The following AOPEP variants were observed in gnomAD, a reference collection of about 807,000 sequenced individuals.
The protein encoded by AOPEP is aminopeptidase O (putative).
AOPEP carries 77 observed loss-of-function variants against 98.1 expected under a neutral mutation model. That is an observed-to-expected ratio of 0.78 (90% confidence interval 0.65 to 0.95). The LOEUF (loss-of-function observed/expected upper bound fraction) is 0.95. AOPEP is among the 40% of genes least tolerant of loss of function. The probability of loss-of-function intolerance (pLI) is 0.00; values close to 1 mark genes in which losing one functional copy is unlikely to be tolerated. For synonymous variants in AOPEP, 346 were observed against 365.3 expected, an observed-to-expected ratio of 0.95 and a Z score of 0.60; for missense variants, 1,024 against 1,024.7, an observed-to-expected ratio of 1.00 and a Z score of 0.01.
intron 11 of AOPEP, among the ~76,000 whole-genome samples, chr9:94,988,730 C>T (rs534240544): frequency 2.0e-5 from 3 of 152,028 alleles, no homozygotes; most frequent in Admixed American, 6.5e-5. Context: ...GAGTTGAAGG[C>T]GCTCAGGGAG....
chr9:95,011,823 C>CA (rs748502218), intron 13 of AOPEP, among the ~76,000 whole-genome samples: 6 of 151,600 alleles, frequency 4.0e-5, no homozygotes, highest in East Asian at 3.9e-4. Flanking sequence ...AAAACAAAAA[C>CA]AAAAAAAATC....
intron 1 of AOPEP, among the ~76,000 whole-genome samples, chr9:94,753,935 G>A (rs1407813136): frequency 6.6e-6 from 1 of 152,162 alleles, no homozygotes; most frequent in Non-Finnish European, 1.5e-5. Flanking sequence ...TGCGTAAGGA[G>A]GCTCATTTCA....
intron 5 of AOPEP, among the ~76,000 whole-genome samples, chr9:94,909,314 G>A (rs2051642909): frequency 7.6e-6 from 1 of 132,142 alleles, no homozygotes. Context: ...TCACACAGAT[G>A]TGTTCAACCC....
downstream of AOPEP, among the ~76,000 whole-genome samples, chr9:95,090,768 A>C (rs750324230): frequency 1.3e-5 from 2 of 152,238 alleles, no homozygotes; most frequent in South Asian, 4.1e-4. Context: ...GGGAGGATAC[A>C]GGAAAGAAAC....
chr9:95,062,194 T>C (rs181297063), intron 14 of AOPEP, among the ~76,000 whole-genome samples: 61 of 152,332 alleles, frequency 4.0e-4, no homozygotes, highest in African/African-American at 1.4e-3. Flanking sequence ...CTGTGGGTGC[T>C]AAGGCCAGTG....
chr9:95,125,223 A>C, the AOPEP span: 2 of 1,543,742 alleles, frequency 1.3e-6, no homozygotes, highest in Non-Finnish European at 1.8e-6. Context: ...ACGTTTAACA[A>C]GTAATCCGGC....
the AOPEP span, chr9:95,149,941 A>ACAGCCT: frequency 1.2e-6 from 2 of 1,607,676 alleles, no homozygotes; most frequent in Non-Finnish European, 1.7e-6. Context: ...GGCCTCGTTT[A>ACAGCCT]CAGCCTCAAA....
intron 10 of AOPEP, among the ~76,000 whole-genome samples, chr9:94,971,589 C>T (rs1478965393): frequency 1.3e-5 from 2 of 152,154 alleles, no homozygotes; most frequent in Admixed American, 6.5e-5. Context: ...CTGTTAGGCA[C>T]GTGAACTGTT....
chr9:95,111,271 G>A, the AOPEP span: 89 of 1,552,654 alleles, frequency 5.7e-5, no homozygotes, highest in Non-Finnish European at 7.2e-5. Flanking sequence ...TGGCCACCTC[G>A]GTGGGGACAG....
chr9:95,142,101 TC>T, the AOPEP span, among the ~76,000 whole-genome samples: 2 of 146,772 alleles, frequency 1.4e-5, no homozygotes, highest in African/African-American at 5.0e-5. Context: ...CAAGCAATTC[TC>T]CTGCCTCAGC....
At chr9:95,004,319 C>T in intron 11 of AOPEP, 2 of 456,262 alleles carry the variant, frequency 4.4e-6, no homozygotes, top group Non-Finnish European at 4.4e-6. Context: ...ATTATGAAAA[C>T]AGATTGACCC....
intron 1 of AOPEP, among the ~76,000 whole-genome samples, chr9:94,744,899 A>C (rs1021403840): frequency 5.3e-5 from 8 of 151,928 alleles, no homozygotes; most frequent in Non-Finnish European, 1.0e-4. Flanking sequence ...TAATCTGTTG[A>C]CTTCTCATTT....
intron 5 of AOPEP, among the ~76,000 whole-genome samples, chr9:94,830,123 CACAGATCA>C (rs1169183374): frequency 6.6e-6 from 1 of 152,136 alleles, no homozygotes; most frequent in Admixed American, 6.5e-5. Context: ...TGGTTTACTG[CACAGATCA>C]ACCCATCACC....
rs528926094 is a variant in AOPEP, at chr9:94,781,631, G to A, written c.964+8463G>A. On this transcript the variant is annotated intron_variant, in intron 3 of 16. Transcript: ENST00000375315. ...GCTGGAGTGCAGTGGCACGATCTCC[G>A]CTCACTGCAAGCTCTGCCTCCCAGG... is the stretch of plus-strand genomic sequence containing the variant. Among the ~76,000 whole-genome samples the A allele has an allele frequency of 9.3e-5, 14 of 150,296 alleles. No individual in the cohort carries two copies. The East Asian group carries it at 2.4e-3, about 26-fold the overall frequency.
chr9:94,799,602 CCTGTACTCCTAG>C (rs1392770954), intron 4 of AOPEP, among the ~76,000 whole-genome samples: 2 of 152,002 alleles, frequency 1.3e-5, no homozygotes, highest in Non-Finnish European at 2.9e-5. Context: ...GTGGTTCAAG[CCTGTACTCCTAG>C]CTGTTTTGGA....
intron 9 of AOPEP, among the ~76,000 whole-genome samples, chr9:94,964,635 CTTTTT>C (rs1240777817): frequency 5.7e-5 from 7 of 122,616 alleles, no homozygotes; most frequent in East Asian, 2.3e-4. Context: ...AGTACTTGGA[CTTTTT>C]TTTTTTTTTT....
chr9:95,088,584 G>T (rs1273018330), downstream of AOPEP, among the ~76,000 whole-genome samples: 1 of 152,194 alleles, frequency 6.6e-6, no homozygotes, highest in African/African-American at 2.4e-5. Flanking sequence ...GACCGTGGGA[G>T]TACCGGCCGC....
intron 13 of AOPEP, among the ~76,000 whole-genome samples, chr9:95,050,763 T>C (rs1214332659): frequency 6.6e-6 from 1 of 152,120 alleles, no homozygotes; most frequent in African/African-American, 2.4e-5. Flanking sequence ...TGGTAGAAAA[T>C]AAAGAATATT....
At chr9:95,054,949 GCCC>G (rs898455527) in intron 13 of AOPEP, among the ~76,000 whole-genome samples, 3 of 151,984 alleles carry the variant, frequency 2.0e-5, no homozygotes, top group African/African-American at 7.2e-5. Context: ...CCAATTTTAT[GCCC>G]CACAAATAAT....
Sources: gnomAD v4.1 joint callset for allele counts (sites outside exome capture counted in the v4.1 genomes callset) on GRCh38, gnomAD v4.1.1 for gene constraint, MANE v1.5 for transcripts, NCBI Gene and HGNC (gene_info 2026-07-23, HGNC 2026-07-21) for gene names.